Variants in PODXL2 observed in about 807,000 individuals in gnomAD.
The protein encoded by PODXL2 is podocalyxin-like protein 2.
A neutral mutation model predicts 53.4 loss-of-function variants in PODXL2; 17 were observed. The ratio of observed to expected loss-of-function variants is 0.32; its 90% confidence interval spans 0.22 to 0.48. The LOEUF (loss-of-function observed/expected upper bound fraction) is 0.48. Among genes scored for constraint, PODXL2 ranks in the 20% least tolerant of loss-of-function variants. The pLI is 0.99. For missense variants in PODXL2, 673 were observed against 760.0 expected (o/e 0.89, Z 1.35); for synonymous variants, 311 against 306.7 (o/e 1.01, Z -0.15).
At chr3:127,650,170 G>A (rs1430941886) in intron 2 of PODXL2, among the ~76,000 whole-genome samples, 1 of 152,170 alleles carries the variant, frequency 6.6e-6, no homozygotes, top group African/African-American at 2.4e-5. Context: ...CTCTTGAATA[G>A]AAGAATCAGT....
chr3:127,649,459 G>A (rs1027383169), intron 2 of PODXL2, among the ~76,000 whole-genome samples: 9 of 152,200 alleles, frequency 5.9e-5, no homozygotes, highest in Non-Finnish European at 8.8e-5. Context: ...AAAGCTTCTC[G>A]TTCCTGTGAC....
At chr3:127,644,423 A>G (rs1195346212) in intron 2 of PODXL2, among the ~76,000 whole-genome samples, 2 of 152,150 alleles carry the variant, frequency 1.3e-5, no homozygotes, top group African/African-American at 2.4e-5. Flanking sequence ...GATTTAAACA[A>G]ACTTTTACAT....
intron 5 of PODXL2, 29 bp downstream of exon 5, chr3:127,668,626 CAGGAGGGCAGTGGG>C: frequency 6.8e-7 from 1 of 1,478,974 alleles, no homozygotes; most frequent in Non-Finnish European, 9.0e-7. Context: ...TGGGAGGGCC[CAGGAGGGCAGTGGG>C]AGGCGGGCGG....
rs755037719 is a variant in PODXL2 at position 127,660,982 on chromosome 3, C to G, written c.954C>G (p.Ala318=). The G allele has an allele frequency of 6.2e-7, 1 of 1,614,206 alleles. No homozygotes were observed. The change falls in exon 3 of 8, where the codon GCC becomes GCG. Residue 318 remains alanine, a synonymous_variant. Transcript: ENST00000342480. ...CTCAAACCACAGCTCCCAGTGGGGC[C>G]GAGCACCCAGATGAAGATCCCCTTG... ...SFPQTTAPSG[A]EHPDEDPLGS... is the part of the protein sequence containing the mutation.
intron 2 of PODXL2, among the ~76,000 whole-genome samples, chr3:127,642,081 G>A (rs1408664538): frequency 2.0e-5 from 3 of 151,780 alleles, no homozygotes; most frequent in African/African-American, 4.8e-5. Context: ...CATGAGGTCC[G>A]GAGTTCGAGA....
In PODXL2 at chr3:127,654,916, C is replaced by T. The variant is rs149823283; in HGVS notation, c.350-5462C>T. Among the ~76,000 whole-genome samples, 366 of 152,226 alleles carry T rather than the reference C, an allele frequency of 2.4e-3. 2 individuals are homozygous for T. Among genetic ancestry groups the T allele is most frequent in the African/African-American group, 8.4e-3 (350 of 41,564 alleles). ...CAGCCTTGCCAACATGGCAAAACCCCGTCTCTACTAAAAATACAAATTTTT... is the reference window on the plus strand; with the variant it reads ...CAGCCTTGCCAACATGGCAAAACCCTGTCTCTACTAAAAATACAAATTTTT... On this transcript the variant is annotated intron_variant, in intron 2 of 7. Coordinates refer to ENST00000342480, the MANE Select transcript of PODXL2 (RefSeq NM_015720.4).
intron 1 of PODXL2, among the ~76,000 whole-genome samples, chr3:127,636,854 C>T (rs558526582): frequency 4.6e-5 from 7 of 152,264 alleles, no homozygotes; most frequent in African/African-American, 1.7e-4. Context: ...GACAGAGTCT[C>T]ACTCTGTCGC....
At chr3:127,662,171 G>A (rs868711555) in intron 3 of PODXL2, 66 bp from the exon 4 acceptor site, 10 of 1,412,224 alleles carry the variant, frequency 7.1e-6, no homozygotes, top group Middle Eastern at 3.6e-4. Context: ...TCCGACCGGG[G>A]CTCTCTCCCC....
At chr3:127,668,687 G>C (rs1280507315) in intron 5 of PODXL2, 90 bp downstream of exon 5, 2 of 1,262,716 alleles carry the variant, frequency 1.6e-6, no homozygotes, top group Middle Eastern at 2.7e-4. Flanking sequence ...CACGCATAAG[G>C]GCTTTGAAAC....
intron 2 of PODXL2, among the ~76,000 whole-genome samples, chr3:127,651,022 C>T (rs372944356): frequency 5.3e-5 from 8 of 152,122 alleles, no homozygotes; most frequent in African/African-American, 1.9e-4. Context: ...CCCAACGCTT[C>T]GGGAGGCCGA....
chr3:127,670,603 C>T (rs959747049), intron 6 of PODXL2, among the ~76,000 whole-genome samples: 1 of 152,164 alleles, frequency 6.6e-6, no homozygotes, highest in African/African-American at 2.4e-5. Context: ...GAGAAAAGTA[C>T]TGGAGATACA....
intron 7 of PODXL2, among the ~76,000 whole-genome samples, chr3:127,671,944 G>A (rs758403912): frequency 4.6e-5 from 7 of 152,198 alleles, no homozygotes; most frequent in Non-Finnish European, 1.0e-4. Context: ...AAGGATCAAG[G>A]AGAGGCTCCA....
At chr3:127,659,581 C>CA (rs2074749686) in intron 2 of PODXL2, among the ~76,000 whole-genome samples, 2 of 152,198 alleles carry the variant, frequency 1.3e-5, no homozygotes, top group South Asian at 4.1e-4. Flanking sequence ...AATGAATTTC[C>CA]AAAAAACTTG....
intron 2 of PODXL2, among the ~76,000 whole-genome samples, chr3:127,648,281 G>A (rs1027534111): frequency 2.6e-5 from 4 of 152,224 alleles, no homozygotes; most frequent in African/African-American, 9.6e-5. Flanking sequence ...GACCGACCGA[G>A]CAGCTGTCTG....
At chr3:127,645,038 A>G (rs972620980) in intron 2 of PODXL2, among the ~76,000 whole-genome samples, 1 of 152,216 alleles carries the variant, frequency 6.6e-6, no homozygotes, top group Non-Finnish European at 1.5e-5. Flanking sequence ...ACAAACTAGC[A>G]AACAAACCCC....
chr3:127,668,624 C>T, intron 5 of PODXL2, 27 bp downstream of exon 5: 2 of 1,480,748 alleles, frequency 1.4e-6, no homozygotes, highest in Non-Finnish European at 1.8e-6. Flanking sequence ...GATGGGAGGG[C>T]CCAGGAGGGC....
At chr3:127,635,745 C>T (rs537337076) in intron 1 of PODXL2, among the ~76,000 whole-genome samples, 1 of 152,340 alleles carries the variant, frequency 6.6e-6, no homozygotes, top group East Asian at 1.9e-4. Context: ...CATGGTGATT[C>T]CATGCTGGTT....
intron 2 of PODXL2, among the ~76,000 whole-genome samples, chr3:127,654,251 G>C (rs532027536): frequency 2.0e-5 from 3 of 152,252 alleles, no homozygotes; most frequent in South Asian, 4.1e-4. Context: ...CTCAATTTCA[G>C]TTTGTCTCAA....
chr3:127,662,121 C>A (rs981977619), intron 3 of PODXL2, 116 bp from the exon 4 acceptor site: 45 of 780,954 alleles, frequency 5.8e-5, no homozygotes, highest in South Asian at 4.4e-4. Context: ...CGCTGTAATA[C>A]GCCTCCACTG....
Sources: gnomAD v4.1 joint callset for allele counts (sites outside exome capture counted in the v4.1 genomes callset) on GRCh38, gnomAD v4.1.1 for gene constraint, MANE v1.5 for transcripts, NCBI Gene and HGNC (gene_info 2026-07-23, HGNC 2026-07-21) for gene names.